IKBIP: variants seen among roughly 807,000 people sequenced by gnomAD.
The protein encoded by IKBIP is IKBKB interacting protein, also known as inhibitor of nuclear factor kappa-B kinase-interacting protein.
In IKBIP, 28 loss-of-function variants were observed where a neutral mutation model predicts 31.0. The observed-to-expected ratio is 0.90, with a 90% CI of 0.67 to 1.24. IKBIP has a LOEUF of 1.24. IKBIP is among the 50% of genes most tolerant of loss of function. The probability of loss-of-function intolerance (pLI) is 0.00; values close to 1 mark genes in which losing one functional copy is unlikely to be tolerated. For synonymous variants in IKBIP, 164 were observed against 160.3 expected (o/e 1.02, Z -0.17); for missense variants, 453 against 441.9 (o/e 1.03, Z -0.23).
intron 2 of IKBIP, among the ~76,000 whole-genome samples, chr12:98,633,495 CT>C (rs67721403): frequency 0.26 from 24,113 of 93,844 alleles, 2,252 homozygotes; most frequent in Non-Finnish European, 0.29. Context: ...GCTAGCCGTT[CT>C]TTTTTTTTTA....
downstream of IKBIP, among the ~76,000 whole-genome samples, chr12:98,623,482 C>G (rs566520857): frequency 2.0e-5 from 3 of 149,602 alleles, no homozygotes; most frequent in Non-Finnish European, 4.4e-5. Context: ...TGAGCTCAAG[C>G]GATCCTCCCA....
In IKBIP at chr12:98,644,785, C is replaced by A; in HGVS notation, c.-84G>T. The A allele has an allele frequency of 6.8e-7, 1 of 1,475,340 alleles. No homozygotes were observed. Among genetic ancestry groups the A allele is most frequent in the Non-Finnish European group, 9.2e-7 (1 of 1,087,334 alleles). The allele number at this position is 1,475,340 out of a possible 1,614,324, so 91.4% of individuals were successfully genotyped here. A position where few individuals can be genotyped will look rare whatever the true frequency, so the allele number is the denominator to read the frequency against. On this transcript the variant is annotated 5_prime_UTR_variant, in exon 1 of 3. Transcript: ENST00000299157. ...GTGGCCGCCTTGGCGTTCGTGGGAA[C>A]CCTGGGCGGTGACCGCGCCCCCTCA...
Position 98,626,145 on chromosome 12 carries a change from T to A in IKBIP, c.919A>T (p.Met307Leu), listed in dbSNP as rs755559389. 2 of 1,611,546 alleles carry A rather than the reference T, an allele frequency of 1.2e-6. No individual in the cohort carries two copies. The highest frequency in any genetic ancestry group is 2.7e-5 in the African/African-American group (2 of 74,848). Residue 307 changes from methionine to leucine, a missense_variant, in exon 3 of 3, where the codon ATG becomes TTG. Transcript: ENST00000299157. ...ACTGCTTTCAGCATATCATCTTCCA[T>A]ATTAAACATCTGCATAGTCAAGTCT... ...MEDLTMQMFN[M>L]EDDMLKAVSE...
chr12:98,613,758 A>C, exon 3 of IKBIP: 1 of 1,612,468 alleles, frequency 6.2e-7, no homozygotes, highest in Non-Finnish European at 8.5e-7. Context: ...AATGGTTCTA[A>C]ACGGGAAAAG....
At chr12:98,636,453 G>A (rs2097625802) in intron 1 of IKBIP, among the ~76,000 whole-genome samples, 1 of 152,188 alleles carries the variant, frequency 6.6e-6, no homozygotes, top group African/African-American at 2.4e-5. Context: ...AGTAAATGCA[G>A]TTATCTGAAC....
chr12:98,618,333 A>G (rs1194963236), intron 2 of IKBIP, among the ~76,000 whole-genome samples: 3 of 152,130 alleles, frequency 2.0e-5, no homozygotes, highest in Admixed American at 2.0e-4. Flanking sequence ...CTTTCTTAAA[A>G]GAAAAAATTG....
chr12:98,615,362 A>G (rs2097605692), intron 2 of IKBIP, among the ~76,000 whole-genome samples: 2 of 152,060 alleles, frequency 1.3e-5, no homozygotes, highest in South Asian at 4.2e-4. Flanking sequence ...TCTCCAGAGT[A>G]GATGGTACCA....
rs764198018 is a variant in IKBIP, at chr12:98,644,511, G to A, written c.179+12C>T. 1.3e-6 allele frequency: 2 copies of A among 1,579,502 alleles called. No homozygotes were observed. Among genetic ancestry groups the A allele is most frequent in the African/African-American group, 2.7e-5 (2 of 73,486 alleles). On this transcript the variant is annotated intron_variant, in intron 1 of 2. Coordinates refer to ENST00000299157, the MANE Select transcript of IKBIP (RefSeq NM_153687.4). ...ACAGGAGGCCGGCCCAGGCAGCCTC[G>A]CGTCCACTTACCAGGCCAGGCCCAG...
In IKBIP at chr12:98,626,463, G is replaced by C. The variant is rs372902343; in HGVS notation, c.601C>G (p.Arg201Gly). The C allele has an allele frequency of 5.0e-6, 8 of 1,613,024 alleles. No individual in the cohort carries two copies. In the African/African-American group the frequency reaches 1.1e-4, roughly 22 times the overall value. ...AEQEIKLLTE[R>G]LKDLEDSTLR... is the part of the protein sequence containing the mutation. ...GTGCTATCTTCCAAATCTTTTAGCC[G>C]TTCAGTGAGCAATTTTATTTCCTGC... The change falls in exon 3 of 3, where the codon CGG becomes GGG. Residue 201 changes from arginine to glycine, a missense_variant. Physicochemically the swap from Arg to Gly is moderately radical, Grantham distance 125. Transcript: ENST00000299157.
intron 1 of IKBIP, among the ~76,000 whole-genome samples, chr12:98,634,710 C>CTTTT (rs552233683): frequency 7.6e-6 from 1 of 131,878 alleles, no homozygotes; most frequent in African/African-American, 2.8e-5. Context: ...GGTCTTTAGC[C>CTTTT]TTTTTTTTTT....
In IKBIP at chr12:98,637,833, C is replaced by A. The variant is rs550181552; in HGVS notation, c.180-3420G>T. Reference sequence around the variant, plus strand: ...TCAAGTGATTACAGGCGTGAGCCACCGCACCCAGCCTAGATGACTGATTTT... The same window carrying A: ...TCAAGTGATTACAGGCGTGAGCCACAGCACCCAGCCTAGATGACTGATTTT... On this transcript the variant is annotated intron_variant, in intron 1 of 2. Transcript: ENST00000299157. 3.9e-4 allele frequency among the ~76,000 whole-genome samples: 60 copies of A among 152,296 alleles called. 1 individual carries two copies. Among genetic ancestry groups the A allele is most frequent in the Non-Finnish European group, 7.3e-4 (50 of 68,034 alleles).
At chr12:98,620,396 T>G (rs894392917), downstream of IKBIP, among the ~76,000 whole-genome samples, 6 of 151,764 alleles carry the variant, frequency 4.0e-5, no homozygotes, top group African/African-American at 1.5e-4. Context: ...AGACGGAGTC[T>G]TGCTCTGTCG....
chr12:98,614,747 C>G (rs983297360), intron 2 of IKBIP, among the ~76,000 whole-genome samples: 1 of 152,116 alleles, frequency 6.6e-6, no homozygotes, highest in Non-Finnish European at 1.5e-5. Flanking sequence ...TATTTTTTAA[C>G]TACACTTTAC....
At chr12:98,618,508 C>T (rs913517000) in intron 2 of IKBIP, among the ~76,000 whole-genome samples, 4 of 151,900 alleles carry the variant, frequency 2.6e-5, no homozygotes, top group Non-Finnish European at 5.9e-5. Flanking sequence ...CGCCTGTAGT[C>T]CCAGCTACTC....
At chr12:98,632,762 T>C (rs2097622188) in intron 2 of IKBIP, among the ~76,000 whole-genome samples, 5 of 151,088 alleles carry the variant, frequency 3.3e-5, no homozygotes, top group South Asian at 2.1e-4. Context: ...GTAGCTGGGA[T>C]TACAGGCATG....
Position 98,644,492 on chromosome 12 carries a change from G to A in IKBIP, c.179+31C>T, listed in dbSNP as rs557816112. On this transcript the variant is annotated intron_variant, in intron 1 of 2. Transcript: ENST00000299157. The stretch of plus-strand genomic sequence containing the variant: ...CCCAAACAGCAGGGGGCCCACAGGA[G>A]GCCGGCCCAGGCAGCCTCGCGTCCA... 614 of 1,546,798 alleles carry A rather than the reference G, an allele frequency of 4.0e-4. 8 individuals carry two copies. The South Asian group carries it at 6.9e-3, about 17-fold the overall frequency.
At position 98,644,611 on chromosome 12, in the gene IKBIP, C is replaced by T. The variant is rs2097636602; in HGVS notation, c.91G>A (p.Val31Met). The T allele has an allele frequency of 6.2e-7, 1 of 1,610,332 alleles. No individual in the cohort carries two copies. The highest frequency in any genetic ancestry group is 1.3e-5 in the African/African-American group (1 of 74,804). ...GKRSEGGKTP[V>M]ARSSGGGGWA... Reference sequence around the variant, plus strand: ...CCCCCGCCTCCGCTGCTCCGGGCCACGGGGGTCTTCCCGCCCTCGCTCCGC... The same window carrying T: ...CCCCCGCCTCCGCTGCTCCGGGCCATGGGGGTCTTCCCGCCCTCGCTCCGC... Residue 31 changes from valine to methionine, a missense_variant, in exon 1 of 3, where the codon GTG becomes ATG. Transcript: ENST00000299157.
intron 1 of IKBIP, among the ~76,000 whole-genome samples, chr12:98,641,974 T>C (rs549062154): frequency 6.6e-6 from 1 of 152,208 alleles, no homozygotes. Context: ...ATTTTTGATA[T>C]AGCATTGTGT....
chr12:98,634,927 T>C (rs184894933), intron 1 of IKBIP, among the ~76,000 whole-genome samples: 1 of 151,874 alleles, frequency 6.6e-6, no homozygotes, highest in Non-Finnish European at 1.5e-5. Flanking sequence ...GCCAGGATGC[T>C]CTCGATCTCC....
Sources: allele counts gnomAD v4.1 joint callset (sites outside exome capture counted in the v4.1 genomes callset), GRCh38; gene constraint gnomAD v4.1.1; transcripts MANE v1.5; gene names NCBI Gene and HGNC (gene_info 2026-07-23, HGNC 2026-07-21).